CALHM1: variants seen among roughly 807,000 people sequenced by gnomAD.
The protein encoded by CALHM1 is calcium homeostasis modulator protein 1.
In CALHM1, 11 loss-of-function variants were observed where a neutral mutation model predicts 14.8. That is an observed-to-expected ratio of 0.74 (90% CI 0.47 to 1.23). CALHM1 has a LOEUF of 1.23. Among genes scored for constraint, CALHM1 ranks in the 50% most tolerant of loss-of-function variants. The pLI is 0.00. For synonymous variants in CALHM1, 215 were observed against 218.9 expected (o/e 0.98, Z 0.16); for missense variants, 458 against 496.4 (o/e 0.92, Z 0.74).
At chr10:103,456,370 G>A (rs1297739055) in intron 1 of CALHM1, among the ~76,000 whole-genome samples, 1 of 152,210 alleles carries the variant, frequency 6.6e-6, no homozygotes, top group Non-Finnish European at 1.5e-5. Flanking sequence ...AGTGCCAAAT[G>A]AGCACCTCCT....
rs2033086718 is a variant in CALHM1 at position 103,453,359 on chromosome 10, T to C, written c.*1903A>G. 6.6e-6 allele frequency: 1 copy of C among 152,154 alleles called. No individual in the cohort carries two copies. Among genetic ancestry groups the C allele is most frequent in the Non-Finnish European group, 1.5e-5 (1 of 68,044 alleles). 9.4% of individuals were successfully genotyped at this position (152,154 alleles called of 1,614,324 possible). On this transcript the variant is annotated 3_prime_UTR_variant, in exon 2 of 2. Coordinates refer to ENST00000329905, the MANE Select transcript of CALHM1 (RefSeq NM_001001412.4). Reference sequence around the variant, plus strand: ...ACCACAATCCTGAAAATCAGGTCTTTTTTAAAAAATAATTTTTTCATTTTA... The same window carrying C: ...ACCACAATCCTGAAAATCAGGTCTTCTTTAAAAAATAATTTTTTCATTTTA...
chr10:103,458,361 T>C lies in CALHM1; in HGVS notation c.391A>G (p.Thr131Ala). 6.2e-7 allele frequency: 1 copy of C among 1,610,674 alleles called. No homozygotes were observed. Among genetic ancestry groups the C allele is most frequent in the Non-Finnish European group, 8.5e-7 (1 of 1,178,520 alleles). The change falls in exon 1 of 2, where the codon ACT becomes GCT. Residue 131 changes from threonine (T) to alanine (A), a missense_variant. By Grantham distance (58) the Thr-to-Ala change is moderately conservative. Transcript: ENST00000329905. This position sits in a 1 kb window ranked among gnomAD's most constrained non-coding sequence, Gnocchi z 4.9. Reference protein sequence around the residue: ...DGKCFLCAFCTAVPVSALGNG... With the variant: ...DGKCFLCAFCAAVPVSALGNG... ...CCCAGTGCGCTCACGGGCACGGCAGTGCAGAAGGCACAGAGGAAGCATTTG... is the reference window on the plus strand; with the variant it reads ...CCCAGTGCGCTCACGGGCACGGCAGCGCAGAAGGCACAGAGGAAGCATTTG...
intron 1 of CALHM1, among the ~76,000 whole-genome samples, chr10:103,456,166 C>T (rs376214881): frequency 6.6e-6 from 1 of 152,320 alleles, no homozygotes. Context: ...GTTGTGAGGA[C>T]TGAATGTGAT....
Position 103,458,701 on chromosome 10 carries a change from C to G in CALHM1, c.51G>C (p.Glu17Asp). Residue 17 changes from glutamate (E) to aspartate (D), a missense_variant, in exon 1 of 2, where the codon GAG becomes GAC. Glu to Asp is a conservative substitution (Grantham distance 45). Coordinates refer to ENST00000329905, the MANE Select transcript of CALHM1 (RefSeq NM_001001412.4). The surrounding 1 kb of genome is among the most constrained non-coding windows in gnomAD (Gnocchi z 4.9). ...MIFQFLQSNQESFMNGICGIM... is the reference protein window; with the variant it reads ...MIFQFLQSNQDSFMNGICGIM... Reference sequence around the variant, plus strand: ...TGCCACAGATGCCATTCATGAAGGACTCCTGGTTGGACTGCAGGAACTGGA... The same window carrying G: ...TGCCACAGATGCCATTCATGAAGGAGTCCTGGTTGGACTGCAGGAACTGGA... The G allele has an allele frequency of 1.9e-6, 3 of 1,614,072 alleles. No individual in the cohort carries two copies. The highest frequency in any genetic ancestry group is 2.5e-6 in the Non-Finnish European group (3 of 1,179,982).
intron 1 of CALHM1, among the ~76,000 whole-genome samples, chr10:103,457,512 C>T (rs1380183888): frequency 6.6e-6 from 1 of 152,244 alleles, no homozygotes; most frequent in Non-Finnish European, 1.5e-5. Context: ...GCCCCTCGCC[C>T]TGACAGCACC....
Position 103,455,640 on chromosome 10 carries a change from G to A in CALHM1, c.663C>T (p.Ser221=). Reference sequence around the variant, plus strand: ...GCTTGCGCTCGATGTCGATATAGTGGGACCAGTACTTGCTCTTGAGGAAGG... The same window carrying A: ...GCTTGCGCTCGATGTCGATATAGTGAGACCAGTACTTGCTCTTGAGGAAGG... ...QAAFLKSKYW[S]HYIDIERKLF... Residue 221 remains serine (S), a synonymous_variant, in exon 2 of 2, where the codon TCC becomes TCT. Transcript: ENST00000329905. 1 of 1,613,792 alleles carries A rather than the reference G, an allele frequency of 6.2e-7. No individual in the cohort carries two copies. Among genetic ancestry groups the A allele is most frequent in the Non-Finnish European group, 8.5e-7 (1 of 1,180,048 alleles).
intron 1 of CALHM1, 26 bp from the exon 2 acceptor site, chr10:103,455,773 G>A (rs1282248460): frequency 1.1e-5 from 18 of 1,601,574 alleles, no homozygotes; most frequent in African/African-American, 2.7e-5. Flanking sequence ...AGAGAGTCAC[G>A]GGGCACTGTC....
At position 103,455,307 on chromosome 10, in the gene CALHM1, G is replaced by T. The variant is rs770137826; in HGVS notation, c.996C>A (p.Pro332=). Residue 332 remains proline, a synonymous_variant, in exon 2 of 2, where the codon CCC becomes CCA. Transcript: ENST00000329905. ...LMGNGWAGGG[P]RPPRKEVATY... is the part of the protein sequence containing the mutation. The stretch of plus-strand genomic sequence containing the variant: ...TGGCCACCTCCTTACGCGGAGGCCG[G>T]GGCCCACCCCCAGCCCAGCCGTTGC... 2 of 1,613,040 alleles carry T rather than the reference G, an allele frequency of 1.2e-6. No individual in the cohort carries two copies. Among genetic ancestry groups the T allele is most frequent in the South Asian group, 2.2e-5 (2 of 91,010 alleles).
At chr10:103,456,394 G>C (rs1398010690) in intron 1 of CALHM1, among the ~76,000 whole-genome samples, 1 of 152,238 alleles carries the variant, frequency 6.6e-6, no homozygotes, top group African/African-American at 2.4e-5. Flanking sequence ...TGTCGGTTCT[G>C]AGCTGGGCCT....
Position 103,454,391 on chromosome 10 carries a change from G to C in CALHM1, c.*871C>G, listed in dbSNP as rs973403798. On this transcript the variant is annotated 3_prime_UTR_variant, in exon 2 of 2. Transcript: ENST00000329905. ...CTCCACCCTCATCCCACCTGGGCTA[G>C]AGCCTTGGAGCTCCTCTTAGCCTCT... The C allele has an allele frequency of 6.6e-6, 1 of 152,224 alleles. No homozygotes were observed. Among genetic ancestry groups the C allele is most frequent in the Non-Finnish European group, 1.5e-5 (1 of 68,050 alleles). The allele number at this position is 152,224 out of a possible 1,614,324, so 9.4% of individuals were successfully genotyped here. A position where few individuals can be genotyped will look rare whatever the true frequency, so the allele number is the denominator to read the frequency against.
rs2033175395 is a variant in CALHM1 at position 103,458,265 on chromosome 10, C to T, written c.487G>A (p.Glu163Lys). ...ARLLARVPCP[E>K]IYDGDWLLAR... ...AACAGCCAGTCGCCATCGTAGATCT[C>T]AGGGCAGGGCACCCGGGCCAGCAGG... The change falls in exon 1 of 2, where the codon GAG (glutamate) becomes AAG (lysine). Residue 163 changes from glutamate to lysine, a missense_variant. Transcript: ENST00000329905. The surrounding 1 kb of genome is among the most constrained non-coding windows in gnomAD (Gnocchi z 4.9). The T allele has an allele frequency of 6.2e-7, 1 of 1,612,826 alleles. No individual in the cohort carries two copies. The highest frequency in any genetic ancestry group is 8.5e-7 in the Non-Finnish European group (1 of 1,179,864).
At position 103,458,761 on chromosome 10, in the gene CALHM1, G is replaced by A; in HGVS notation, c.-10C>T. The A allele has an allele frequency of 3.8e-6, 6 of 1,592,736 alleles. No individual in the cohort carries two copies. The highest frequency in any genetic ancestry group is 5.1e-6 in the Non-Finnish European group (6 of 1,170,018). On this transcript the variant is annotated 5_prime_UTR_variant, in exon 1 of 2. Coordinates refer to ENST00000329905, the MANE Select transcript of CALHM1 (RefSeq NM_001001412.4). The surrounding 1 kb of genome is among the most constrained non-coding windows in gnomAD (Gnocchi z 4.9). ...GGAACTTGTCCATCATGCCCGCTGT[G>A]GGGCCCGGCCTCCTCTTCCCAACTC...
Position 103,455,732 on chromosome 10 carries a change from A to G in CALHM1, c.571T>C (p.Phe191Leu), listed in dbSNP as rs2033142530. 6.2e-7 allele frequency: 1 copy of G among 1,612,498 alleles called. No individual in the cohort carries two copies. The highest frequency in any genetic ancestry group is 8.5e-7 in the Non-Finnish European group (1 of 1,179,698). ...GCCAGCAGAGTGGTCAGCAGCACGA[A>G]GGACCAGCCCAGCGCCTGTGGGAAG... ...RCISQALGWS[F>L]VLLTTLLAFV... The change falls in exon 2 of 2, where the codon TTC becomes CTC. Residue 191 changes from phenylalanine to leucine, a missense_variant. Transcript: ENST00000329905.
At position 103,453,720 on chromosome 10, in the gene CALHM1, C is replaced by T. The variant is rs1485054003; in HGVS notation, c.*1542G>A. 6.6e-6 allele frequency: 1 copy of T among 152,268 alleles called. No homozygotes were observed. Among genetic ancestry groups the T allele is most frequent in the African/African-American group, 2.4e-5 (1 of 41,440 alleles). 9.4% of individuals were successfully genotyped at this position (152,268 alleles called of 1,614,324 possible). A position where few individuals can be genotyped will look rare whatever the true frequency, so the allele number is the denominator to read the frequency against. ...TTTGTACCTCCTGATACCTCCGGGCCTTCTCTTCCCACTGGAAGTGCTGCC... is the reference window on the plus strand; with the variant it reads ...TTTGTACCTCCTGATACCTCCGGGCTTTCTCTTCCCACTGGAAGTGCTGCC... On this transcript the variant is annotated 3_prime_UTR_variant, in exon 2 of 2. Coordinates refer to ENST00000329905, the MANE Select transcript of CALHM1 (RefSeq NM_001001412.4).
intron 1 of CALHM1, among the ~76,000 whole-genome samples, chr10:103,457,798 G>C (rs1461985412): frequency 2.0e-5 from 3 of 152,252 alleles, no homozygotes; most frequent in African/African-American, 7.2e-5. Context: ...GGAAGCACCA[G>C]ATGGGGGCAT....
chr10:103,455,316 C>T lies in CALHM1; in HGVS notation c.987G>A (p.Gly329=), dbSNP rs372966349. The T allele has an allele frequency of 2.7e-5, 44 of 1,613,226 alleles. No individual in the cohort carries two copies. The highest frequency in any genetic ancestry group is 3.6e-5 in the Non-Finnish European group (42 of 1,179,930). The part of the protein sequence containing the change: ...EPPLMGNGWA[G]GGPRPPRKEV... ...CCTTACGCGGAGGCCGGGGCCCACC[C>T]CCAGCCCAGCCGTTGCCCATCAGCG... The change falls in exon 2 of 2, where the codon GGG becomes GGA. Residue 329 remains glycine, a synonymous_variant. Transcript: ENST00000329905.
Position 103,455,248 on chromosome 10 carries a change from C to A in CALHM1, c.*14G>T, listed in dbSNP as rs930849096. 1 of 1,570,088 alleles carries A rather than the reference C, an allele frequency of 6.4e-7. No homozygotes were observed. The highest frequency in any genetic ancestry group is 1.2e-5 in the South Asian group (1 of 84,880). On this transcript the variant is annotated 3_prime_UTR_variant, in exon 2 of 2. Coordinates refer to ENST00000329905, the MANE Select transcript of CALHM1 (RefSeq NM_001001412.4). ...GCTCAGATCCCCGTTCCTGCCTCTT[C>A]AGCTGGCCACACCTCACACTTTGCT...
At chr10:103,456,346 C>T (rs1461415846) in intron 1 of CALHM1, among the ~76,000 whole-genome samples, 1 of 152,180 alleles carries the variant, frequency 6.6e-6, no homozygotes. Context: ...CCTTTGGCTC[C>T]TAGTATTGTC....
rs2033093018 is a variant in CALHM1 at position 103,453,456 on chromosome 10, C to T, written c.*1806G>A. 1 of 151,856 alleles carries T rather than the reference C, an allele frequency of 6.6e-6. No individual in the cohort carries two copies. The highest frequency in any genetic ancestry group is 2.4e-5 in the African/African-American group (1 of 41,284). 9.4% of individuals were successfully genotyped at this position (151,856 alleles called of 1,614,324 possible). On this transcript the variant is annotated 3_prime_UTR_variant, in exon 2 of 2. Coordinates refer to ENST00000329905, the MANE Select transcript of CALHM1 (RefSeq NM_001001412.4). ...TATTATTACTTTACAGAGACAGAGTCTTGCTATGTTGCCCAGGCTGGTCTC... is the reference window on the plus strand; with the variant it reads ...TATTATTACTTTACAGAGACAGAGTTTTGCTATGTTGCCCAGGCTGGTCTC...
Sources: allele counts gnomAD v4.1 joint callset (sites outside exome capture counted in the v4.1 genomes callset), GRCh38; gene constraint gnomAD v4.1.1; non-coding constraint Gnocchi (gnomAD v3.1); transcripts MANE v1.5; gene names NCBI Gene and HGNC (gene_info 2026-07-23, HGNC 2026-07-21).